Variants in SSH2 observed in about 807,000 individuals in gnomAD.
The protein encoded by SSH2 is slingshot protein phosphatase 2.
Under a neutral mutation model 135.2 loss-of-function variants are expected in SSH2, and 37 were observed. That is an observed-to-expected ratio of 0.27 (90% CI 0.21 to 0.36). The LOEUF is 0.36. Ranked by LOEUF, SSH2 falls within the 10% of genes least tolerant of loss-of-function variation. SSH2 has a pLI of 1.00. For synonymous variants in SSH2, 628 were observed against 646.2 expected, an observed-to-expected ratio of 0.97 and a Z score of 0.43; for missense variants, 1,408 against 1,765.3, an observed-to-expected ratio of 0.80 and a Z score of 3.63.
At chr17:29,907,818 CTT>C (rs201612892) in intron 1 of SSH2, among the ~76,000 whole-genome samples, 183 of 131,928 alleles carry the variant, frequency 1.4e-3, no homozygotes, top group Middle Eastern at 4.0e-3. Flanking sequence ...CTGACAAAAC[CTT>C]TTTTTTTTTT....
intron 9 of SSH2, among the ~76,000 whole-genome samples, chr17:29,668,676 G>A (rs780919437): frequency 6.6e-6 from 1 of 152,138 alleles, no homozygotes; most frequent in Non-Finnish European, 1.5e-5. Flanking sequence ...GGTGGAGGCT[G>A]CAGTGAGCCC....
In SSH2 at chr17:29,664,103, T is replaced by G. The variant is rs954094073; in HGVS notation, c.1032+2764A>C. ...AAATAAAAGTAAAAAAGATTGGGGC[T>G]GGGCGCGATGGCTCATGCCTGTAAT... is the stretch of plus-strand genomic sequence containing the variant. On this transcript the variant is annotated intron_variant, in intron 11 of 15. Coordinates refer to ENST00000540801, the MANE Select transcript of SSH2 (RefSeq NM_001282129.2). Among the ~76,000 whole-genome samples the G allele has an allele frequency of 6.6e-5, 10 of 152,344 alleles. No homozygotes were observed. In the East Asian group the frequency reaches 1.9e-3, roughly 29 times the overall value.
chr17:29,723,102 A>G (rs2039876615), intron 3 of SSH2, among the ~76,000 whole-genome samples: 1 of 152,122 alleles, frequency 6.6e-6, no homozygotes, highest in Admixed American at 6.5e-5. Flanking sequence ...ACTTAGCTCT[A>G]TGCAAGATAT....
At chr17:29,908,576 C>T (rs1017003367) in intron 1 of SSH2, among the ~76,000 whole-genome samples, 2 of 151,706 alleles carry the variant, frequency 1.3e-5, no homozygotes, top group Non-Finnish European at 2.9e-5. Context: ...ACCAGCCTGG[C>T]CAACATGGTG....
chr17:29,655,501 T>C, intron 12 of SSH2, 60 bp downstream of exon 12: 1 of 1,480,482 alleles, frequency 6.8e-7, no homozygotes, highest in Non-Finnish European at 9.5e-7. Context: ...GATGGGAAAA[T>C]GAAGATAAAA....
intron 14 of SSH2, among the ~76,000 whole-genome samples, chr17:29,646,502 A>G (rs1223832696): frequency 6.6e-6 from 1 of 151,920 alleles, no homozygotes; most frequent in East Asian, 1.9e-4. Context: ...ATATAATTGG[A>G]TTAAATTGTT....
At chr17:29,925,402 C>A (rs1373874098) in intron 1 of SSH2, 4 of 396,368 alleles carry the variant, frequency 1.0e-5, no homozygotes, top group South Asian at 2.6e-4. Context: ...TTTCTACAGT[C>A]AATAATAATA....
intron 1 of SSH2, among the ~76,000 whole-genome samples, chr17:29,901,001 C>T (rs892726472): frequency 6.6e-6 from 1 of 151,966 alleles, no homozygotes; most frequent in Non-Finnish European, 1.5e-5. Flanking sequence ...AAGCTGGAAA[C>T]CATCATTCTC....
At chr17:29,846,011 G>A (rs943507242) in intron 2 of SSH2, among the ~76,000 whole-genome samples, 3 of 151,538 alleles carry the variant, frequency 2.0e-5, no homozygotes, top group African/African-American at 7.3e-5. Flanking sequence ...AGTATAATAA[G>A]TCCAGAGGAC....
intron 12 of SSH2, among the ~76,000 whole-genome samples, chr17:29,653,476 A>G (rs1247463858): frequency 6.6e-6 from 1 of 152,206 alleles, no homozygotes; most frequent in African/African-American, 2.4e-5. Flanking sequence ...CTGGGGTTAT[A>G]TTCTAAATTC....
At chr17:29,668,816 C>T (rs1403386871) in intron 9 of SSH2, among the ~76,000 whole-genome samples, 1 of 152,152 alleles carries the variant, frequency 6.6e-6, no homozygotes, top group Non-Finnish European at 1.5e-5. Flanking sequence ...GCAATTTTCC[C>T]CTCAATCCCT....
rs1414467083 is a variant in SSH2, at chr17:29,766,007, G to A, written c.188+27887C>T. Among the ~76,000 whole-genome samples, 28 of 123,980 alleles carry A rather than the reference G, an allele frequency of 2.3e-4. No individual in the cohort carries two copies. In the East Asian group the frequency reaches 5.2e-3, roughly 23 times the overall value. The allele number at this position is 123,980 out of a possible 152,430, so 81.3% of individuals were successfully genotyped here. A position where few individuals can be genotyped will look rare whatever the true frequency, so the allele number is the denominator to read the frequency against. On this transcript the variant is annotated intron_variant, in intron 3 of 15. Transcript: ENST00000540801. ...TGCACTCCAGCCTGGATGACAGAGTGAGACTCCGTCTCCAAAAAAAAAAAA... is the reference window on the plus strand; with the variant it reads ...TGCACTCCAGCCTGGATGACAGAGTAAGACTCCGTCTCCAAAAAAAAAAAA...
intron 6 of SSH2, among the ~76,000 whole-genome samples, chr17:29,679,401 A>T (rs897299049): frequency 1.1e-4 from 16 of 150,802 alleles, no homozygotes; most frequent in African/African-American, 1.5e-4. Flanking sequence ...TTTAAAATTT[A>T]TTTTTATTTT....
intron 5 of SSH2, among the ~76,000 whole-genome samples, chr17:29,686,667 C>A (rs550183667): frequency 1.3e-5 from 2 of 150,334 alleles, no homozygotes; most frequent in African/African-American, 2.4e-5. Context: ...CTGCACCCAG[C>A]CTTTTCTTTT....
At chr17:29,882,073 C>T (rs9646438) in intron 1 of SSH2, among the ~76,000 whole-genome samples, 59,814 of 152,032 alleles carry the variant, frequency 0.39, 14,223 homozygotes, top group East Asian at 0.69. Flanking sequence ...AAGATTGATA[C>T]ATAGCTGTCC....
At chr17:29,693,009 G>C (rs1366439807) in intron 5 of SSH2, among the ~76,000 whole-genome samples, 1 of 152,174 alleles carries the variant, frequency 6.6e-6, no homozygotes, top group Non-Finnish European at 1.5e-5. Flanking sequence ...TGCCCAGGTT[G>C]AGGGCAGTGG....
intron 1 of SSH2, among the ~76,000 whole-genome samples, chr17:29,903,847 T>C (rs2066605085): frequency 6.6e-6 from 1 of 152,184 alleles, no homozygotes; most frequent in Non-Finnish European, 1.5e-5. Context: ...TTTAAAAGAA[T>C]TGAAGGCGAT....
At chr17:29,639,361 T>A (rs991556721) in intron 14 of SSH2, among the ~76,000 whole-genome samples, 1 of 152,008 alleles carries the variant, frequency 6.6e-6, no homozygotes, top group African/African-American at 2.4e-5. Flanking sequence ...CTCCATGACT[T>A]ACAAGCTGAT....
At position 29,850,707 on chromosome 17, in the gene SSH2, C is replaced by T. The variant is rs193065684; in HGVS notation, c.64-1778G>A. Among the ~76,000 whole-genome samples, 152 of 152,242 alleles carry T rather than the reference C, an allele frequency of 1.0e-3. 2 individuals are homozygous for T. In the Middle Eastern group the frequency reaches 0.01, roughly 10 times the overall value. ...CCAAATATTTAAAATCATTGTTGCCCGAGCGTGGTGGCTCACGCCTATAAT... is the reference window on the plus strand; with the variant it reads ...CCAAATATTTAAAATCATTGTTGCCTGAGCGTGGTGGCTCACGCCTATAAT... On this transcript the variant is annotated intron_variant, in intron 1 of 15. Coordinates refer to ENST00000540801, the MANE Select transcript of SSH2 (RefSeq NM_001282129.2).
Sources: gnomAD v4.1 joint callset for allele counts (sites outside exome capture counted in the v4.1 genomes callset) on GRCh38, gnomAD v4.1.1 for gene constraint, MANE v1.5 for transcripts, NCBI Gene and HGNC (gene_info 2026-07-23, HGNC 2026-07-21) for gene names.